REDIC1: variants seen among roughly 807,000 people sequenced by gnomAD.
REDIC1 encodes the protein HEI10 Interacting Protein 1.
the REDIC1 span, among the ~76,000 whole-genome samples, chr12:39,629,524 A>G: frequency 6.6e-6 from 1 of 152,188 alleles, no homozygotes; most frequent in Non-Finnish European, 1.5e-5. Context: ...AGCTTTTCTT[A>G]TATAAACCAA....
At chr12:39,776,349 T>C in the REDIC1 span, among the ~76,000 whole-genome samples, 1 of 152,078 alleles carries the variant, frequency 6.6e-6, no homozygotes, top group East Asian at 1.9e-4. Flanking sequence ...CAAGCACAAG[T>C]GGTAGTGCTC....
At chr12:39,732,746 T>C in the REDIC1 span, among the ~76,000 whole-genome samples, 1 of 152,192 alleles carries the variant, frequency 6.6e-6, no homozygotes, top group Admixed American at 6.5e-5. Context: ...CCATATTTGA[T>C]TGGTTTCAGT....
chr12:39,683,109 C>T, the REDIC1 span: 108 of 1,607,888 alleles, frequency 6.7e-5, no homozygotes, highest in Middle Eastern at 3.3e-4. Context: ...CTTTTGAGAA[C>T]GATTACTACC....
chr12:39,838,160 C>T, the REDIC1 span, among the ~76,000 whole-genome samples: 1 of 148,588 alleles, frequency 6.7e-6, no homozygotes, highest in Admixed American at 6.7e-5. Flanking sequence ...ACTACGCAGC[C>T]ATAAAAAAGG....
At chr12:39,866,018 GA>G in the REDIC1 span, among the ~76,000 whole-genome samples, 1 of 152,146 alleles carries the variant, frequency 6.6e-6, no homozygotes, top group Non-Finnish European at 1.5e-5. Context: ...ATGTACCCCT[GA>G]AATTAAAAGT....
chr12:39,764,615 G>A, the REDIC1 span: 1 of 1,585,478 alleles, frequency 6.3e-7, no homozygotes. Flanking sequence ...TCCCATTCCT[G>A]AGAAATAAAA....
chr12:39,747,265 A>G, the REDIC1 span, among the ~76,000 whole-genome samples: 3 of 152,228 alleles, frequency 2.0e-5, no homozygotes, highest in African/African-American at 7.2e-5. Context: ...TGGCATGAGA[A>G]CTACATGACG....
chr12:39,652,503 T>C, the REDIC1 span, among the ~76,000 whole-genome samples: 1 of 152,168 alleles, frequency 6.6e-6, no homozygotes, highest in Non-Finnish European at 1.5e-5. Context: ...CATCTTTTCA[T>C]GTGCATATTA....
chr12:39,651,137 T>A, the REDIC1 span, among the ~76,000 whole-genome samples: 2 of 152,198 alleles, frequency 1.3e-5, no homozygotes, highest in African/African-American at 4.8e-5. Flanking sequence ...GTTTAATTTA[T>A]GTTAGGGACA....
At chr12:39,787,447 C>G in the REDIC1 span, among the ~76,000 whole-genome samples, 1 of 152,148 alleles carries the variant, frequency 6.6e-6, no homozygotes, top group Admixed American at 6.5e-5. Flanking sequence ...GATGTGTTCT[C>G]TAAAGCAGAG....
the REDIC1 span, among the ~76,000 whole-genome samples, chr12:39,769,201 A>G: frequency 6.6e-6 from 1 of 152,264 alleles, no homozygotes; most frequent in East Asian, 1.9e-4. Flanking sequence ...AAGAGTAGAC[A>G]TTCCATAAAC....
At chr12:39,798,114 G>C in the REDIC1 span, among the ~76,000 whole-genome samples, 1 of 152,194 alleles carries the variant, frequency 6.6e-6, no homozygotes, top group Non-Finnish European at 1.5e-5. Context: ...TATGAGGACA[G>C]CCAAGCTGCC....
the REDIC1 span, among the ~76,000 whole-genome samples, chr12:39,871,344 A>T: frequency 6.6e-6 from 1 of 151,956 alleles, no homozygotes; most frequent in Non-Finnish European, 1.5e-5. Context: ...TTGTGAAGAA[A>T]TTACATGGTT....
chr12:39,643,928 C>A, the REDIC1 span: 7 of 1,508,940 alleles, frequency 4.6e-6, no homozygotes, highest in Non-Finnish European at 6.3e-6. Context: ...GTAAGTCATT[C>A]CAATTGCATT....
the REDIC1 span, among the ~76,000 whole-genome samples, chr12:39,760,854 G>T: frequency 6.6e-6 from 1 of 150,404 alleles, no homozygotes; most frequent in Non-Finnish European, 1.5e-5. Flanking sequence ...ATATATGAAT[G>T]TATGACTTGT....
At chr12:39,632,118 A>T in the REDIC1 span, among the ~76,000 whole-genome samples, 1 of 151,604 alleles carries the variant, frequency 6.6e-6, no homozygotes, top group Non-Finnish European at 1.5e-5. Context: ...ATTTTTTGAG[A>T]TGGAATCTCT....
the REDIC1 span, among the ~76,000 whole-genome samples, chr12:39,666,749 T>C: frequency 6.6e-6 from 1 of 152,120 alleles, no homozygotes; most frequent in African/African-American, 2.4e-5. Context: ...TCAGAGCCTG[T>C]TATTGGTCTA....
At chr12:39,663,736 T>G in the REDIC1 span, among the ~76,000 whole-genome samples, 1 of 152,100 alleles carries the variant, frequency 6.6e-6, no homozygotes, top group Non-Finnish European at 1.5e-5. Context: ...TTTGTATCTT[T>G]GCTCTACCAG....
chr12:39,785,831 C>A, the REDIC1 span, among the ~76,000 whole-genome samples: 2 of 152,182 alleles, frequency 1.3e-5, no homozygotes, highest in Non-Finnish European at 2.9e-5. Flanking sequence ...AATTAGACTG[C>A]CCTGCTGGAT....
Sources: gnomAD v4.1 joint callset for allele counts (sites outside exome capture counted in the v4.1 genomes callset) on GRCh38, gnomAD v4.1.1 for gene constraint, MANE v1.5 for transcripts, NCBI Gene and HGNC (gene_info 2026-07-23, HGNC 2026-07-21) for gene names.